The following PPM1H variants were observed in gnomAD, a reference collection of about 807,000 sequenced individuals.
The protein encoded by PPM1H is protein phosphatase 1H.
Under a neutral mutation model 54.9 loss-of-function variants are expected in PPM1H, and 27 were observed. The observed-to-expected ratio is 0.49, with a 90% confidence interval of 0.36 to 0.68. The LOEUF is 0.68. Ranked by LOEUF, PPM1H falls within the 30% of genes least tolerant of loss-of-function variation. PPM1H has a pLI of 0.00. For synonymous variants in PPM1H, 305 were observed against 270.8 expected, an observed-to-expected ratio of 1.13 and a Z score of -1.24; for missense variants, 596 against 667.8, an observed-to-expected ratio of 0.89 and a Z score of 1.19.
chr12:62,801,705 G>A (rs2076770789), intron 3 of PPM1H, 111 bp downstream of exon 3: 2 of 1,191,774 alleles, frequency 1.7e-6, no homozygotes, highest in Admixed American at 5.3e-5. Context: ...CCGTCCAGGT[G>A]GAGCCAGGCA....
At chr12:62,825,857 A>G (rs1312553059) in intron 2 of PPM1H, among the ~76,000 whole-genome samples, 3 of 151,824 alleles carry the variant, frequency 2.0e-5, no homozygotes, top group South Asian at 2.1e-4. Flanking sequence ...TATTGTGCGC[A>G]TGTACCCTAG....
chr12:62,933,555 T>G (rs998167907), intron 1 of PPM1H, among the ~76,000 whole-genome samples: 2 of 152,322 alleles, frequency 1.3e-5, no homozygotes, highest in African/African-American at 4.8e-5. Context: ...ACTCCCTGGT[T>G]CATTAATAAC....
At chr12:62,656,403 T>C (rs758647587) in intron 9 of PPM1H, among the ~76,000 whole-genome samples, 1 of 152,230 alleles carries the variant, frequency 6.6e-6, no homozygotes, top group South Asian at 2.1e-4. Context: ...GTGTTAGTTA[T>C]GTTCCTTATT....
intron 2 of PPM1H, among the ~76,000 whole-genome samples, chr12:62,815,448 C>A (rs1047313040): frequency 1.3e-5 from 2 of 152,136 alleles, no homozygotes; most frequent in Non-Finnish European, 2.9e-5. Flanking sequence ...AAGTTTATAA[C>A]GGTTTTTGCT....
intron 4 of PPM1H, among the ~76,000 whole-genome samples, chr12:62,784,615 C>G (rs535874348): frequency 5.9e-5 from 9 of 152,344 alleles, no homozygotes; most frequent in Non-Finnish European, 1.3e-4. Context: ...GAACCTTCTG[C>G]GGCTCTAAGC....
At chr12:62,664,660 G>A (rs1383780715) in intron 9 of PPM1H, among the ~76,000 whole-genome samples, 1 of 152,088 alleles carries the variant, frequency 6.6e-6, no homozygotes, top group Non-Finnish European at 1.5e-5. Context: ...TATAGTCAAG[G>A]TATATTTAAA....
intron 6 of PPM1H, among the ~76,000 whole-genome samples, chr12:62,702,504 C>A (rs1350244881): frequency 6.6e-6 from 1 of 150,532 alleles, no homozygotes; most frequent in Non-Finnish European, 1.5e-5. Flanking sequence ...AAATCACTTC[C>A]CACGATCTCC....
intron 9 of PPM1H, among the ~76,000 whole-genome samples, chr12:62,666,879 A>T (rs968874098): frequency 6.6e-6 from 1 of 152,008 alleles, no homozygotes; most frequent in Non-Finnish European, 1.5e-5. Flanking sequence ...ATGCCCAGCT[A>T]ATTTTTGTAT....
intron 9 of PPM1H, chr12:62,658,706 A>G (rs1448903766): frequency 1.8e-5 from 6 of 341,148 alleles, no homozygotes; most frequent in Non-Finnish European, 3.4e-5. Flanking sequence ...TTTCCTAGGA[A>G]CAGTTCATTT....
chr12:62,803,330 C>T (rs1214875930), intron 2 of PPM1H, among the ~76,000 whole-genome samples: 6 of 152,092 alleles, frequency 3.9e-5, no homozygotes, highest in Non-Finnish European at 8.8e-5. Flanking sequence ...CGTGTTAGAT[C>T]TTAGAGAAAA....
chr12:62,801,458 C>G lies in PPM1H; in HGVS notation c.756+358G>C, dbSNP rs182924626. Among the ~76,000 whole-genome samples, 4 of 152,330 alleles carry G rather than the reference C, an allele frequency of 2.6e-5. No individual in the cohort carries two copies. In the East Asian group the frequency reaches 7.7e-4, roughly 29 times the overall value. ...TCAGCCTCCCGAGTAGCTGGGATTACAGGCAACGGCCATCATGCCCGGCTA... is the reference window on the plus strand; with the variant it reads ...TCAGCCTCCCGAGTAGCTGGGATTAGAGGCAACGGCCATCATGCCCGGCTA... On this transcript the variant is annotated intron_variant, in intron 3 of 9. Transcript: ENST00000228705.
chr12:62,832,080 T>C (rs367553518), intron 2 of PPM1H, 34 bp downstream of exon 2: 10 of 1,606,258 alleles, frequency 6.2e-6, no homozygotes, highest in Non-Finnish European at 8.5e-6. Flanking sequence ...GCCATTCTTC[T>C]CACCTGAGAA....
intron 2 of PPM1H, among the ~76,000 whole-genome samples, chr12:62,828,034 C>T (rs900762904): frequency 6.6e-6 from 1 of 152,160 alleles, no homozygotes; most frequent in African/African-American, 2.4e-5. Context: ...GGTGAGGGAA[C>T]AGGAAGGGTG....
chr12:62,770,830 C>T (rs190710026), intron 4 of PPM1H, among the ~76,000 whole-genome samples: 9 of 152,118 alleles, frequency 5.9e-5, no homozygotes, highest in Admixed American at 5.9e-4. Context: ...AAAGCGTTCC[C>T]ACTCTGCGAT....
chr12:62,763,972 C>A (rs933488519), intron 4 of PPM1H, among the ~76,000 whole-genome samples: 1 of 152,180 alleles, frequency 6.6e-6, no homozygotes, highest in Admixed American at 6.5e-5. Context: ...TCTCCTCCAG[C>A]GAAGGTCAGG....
chr12:62,650,846 G>C (rs1360662014), intron 9 of PPM1H, among the ~76,000 whole-genome samples: 3 of 152,082 alleles, frequency 2.0e-5, no homozygotes, highest in Admixed American at 2.0e-4. Flanking sequence ...CTCCCACCAG[G>C]TCCCTCTCCT....
chr12:62,832,161 G>T lies in PPM1H; in HGVS notation c.364C>A (p.Arg122=). ...CCTTCCCCATTGGGAAGGGAGGACC[G>T]TCTCTTGGATGAGTTCCTGTTTGGG... ...STPNRNSSKR[R]SSLPNGEGLQ... is the part of the protein sequence containing the mutation. Residue 122 remains arginine (R), a synonymous_variant, in exon 2 of 10, where the codon CGG becomes AGG. Transcript: ENST00000228705. The T allele has an allele frequency of 2.5e-6, 4 of 1,613,852 alleles. No homozygotes were observed. Among genetic ancestry groups the T allele is most frequent in the South Asian group, 1.1e-5 (1 of 91,062 alleles).
At position 62,934,387 on chromosome 12, in the gene PPM1H, C is replaced by T; in HGVS notation, c.245+105G>A. The T allele has an allele frequency of 7.3e-7, 1 of 1,365,846 alleles. No homozygotes were observed. The highest frequency in any genetic ancestry group is 9.5e-7 in the Non-Finnish European group (1 of 1,051,276). 84.6% of individuals were successfully genotyped at this position (1,365,846 alleles called of 1,614,324 possible). A position where few individuals can be genotyped will look rare whatever the true frequency, so the allele number is the denominator to read the frequency against. Reference sequence around the variant, plus strand: ...CCCGCCGAGGCCTGGACGCCGGCAGCTAGTGAGAGCCCTGAGGCCGAGAAG... The same window carrying T: ...CCCGCCGAGGCCTGGACGCCGGCAGTTAGTGAGAGCCCTGAGGCCGAGAAG... On this transcript the variant is annotated intron_variant, in intron 1 of 9. Transcript: ENST00000228705. The surrounding 1 kb of genome is among the most constrained non-coding windows in gnomAD (Gnocchi z 4.2).
chr12:62,921,598 G>T (rs773039164), intron 1 of PPM1H, among the ~76,000 whole-genome samples: 1 of 152,178 alleles, frequency 6.6e-6, no homozygotes, highest in Non-Finnish European at 1.5e-5. Context: ...TGGCCCCAAA[G>T]TTCACTAACT....
Sources: allele counts gnomAD v4.1 joint callset (sites outside exome capture counted in the v4.1 genomes callset), GRCh38; gene constraint gnomAD v4.1.1; non-coding constraint Gnocchi (gnomAD v3.1); transcripts MANE v1.5; gene names NCBI Gene and HGNC (gene_info 2026-07-23, HGNC 2026-07-21).